PMS2: variants seen among roughly 807,000 people sequenced by gnomAD.
PMS2 encodes the protein mismatch repair endonuclease PMS2.
A neutral mutation model predicts 90.0 loss-of-function variants in PMS2; 69 were observed. That is an observed-to-expected ratio of 0.77 (90% CI 0.63 to 0.94). PMS2 has a LOEUF of 0.94. Among genes scored for constraint, PMS2 ranks in the 40% least tolerant of loss-of-function variants. The pLI is 0.00. For missense variants in PMS2, 966 were observed against 1,040.2 expected, an observed-to-expected ratio of 0.93 and a Z score of 0.98; for synonymous variants, 332 against 375.1, an observed-to-expected ratio of 0.89 and a Z score of 1.33.
intron 8 of PMS2, among the ~76,000 whole-genome samples, chr7:5,994,673 G>A (rs1784177216): frequency 1.3e-5 from 2 of 151,916 alleles, no homozygotes; most frequent in African/African-American, 4.8e-5. Flanking sequence ...CTACTCGGGA[G>A]GCTGAGGCAG....
intron 9 of PMS2, among the ~76,000 whole-genome samples, chr7:5,990,275 T>C (rs1412519186): frequency 1.3e-5 from 2 of 152,244 alleles, no homozygotes; most frequent in Non-Finnish European, 2.9e-5. Flanking sequence ...CCCAAAGTTC[T>C]GGGATTACAG....
chr7:5,989,268 T>G (rs1185289703), intron 10 of PMS2, among the ~76,000 whole-genome samples: 4 of 151,854 alleles, frequency 2.6e-5, no homozygotes, highest in African/African-American at 9.7e-5. Context: ...CCATCTCTAA[T>G]GACAATACAA....
chr7:6,000,470 T>C (rs1784974271), intron 5 of PMS2, among the ~76,000 whole-genome samples: 1 of 152,028 alleles, frequency 6.6e-6, no homozygotes, highest in Non-Finnish European at 1.5e-5. Flanking sequence ...GCTTTCATTA[T>C]ATTAACTTAT....
intron 1 of PMS2, among the ~76,000 whole-genome samples, chr7:6,008,392 A>G (rs1051160072): frequency 6.6e-6 from 1 of 152,168 alleles, no homozygotes; most frequent in African/African-American, 2.4e-5. Flanking sequence ...TGCATTTTTA[A>G]AAACTGCGCA....
chr7:5,997,789 A>G (rs1784597783), intron 6 of PMS2, among the ~76,000 whole-genome samples: 1 of 152,080 alleles, frequency 6.6e-6, no homozygotes, highest in South Asian at 2.1e-4. Context: ...GGCTCAAGCG[A>G]TTCTCCCACC....
intron 5 of PMS2, among the ~76,000 whole-genome samples, chr7:6,001,070 T>A (rs1785036227): frequency 6.6e-6 from 1 of 152,066 alleles, no homozygotes; most frequent in African/African-American, 2.4e-5. Flanking sequence ...TTTAAGTAAC[T>A]TTTTAGATTA....
chr7:6,002,691 A>C (rs1392435833), intron 4 of PMS2, 55 bp from the exon 5 acceptor site: 1 of 1,322,820 alleles, frequency 7.6e-7, no homozygotes, highest in Non-Finnish European at 1.1e-6. Context: ...GATGTTGGGC[A>C]CTGACTACTC....
At chr7:5,984,127 G>A (rs1336410798) in intron 11 of PMS2, among the ~76,000 whole-genome samples, 2 of 151,806 alleles carry the variant, frequency 1.3e-5, no homozygotes, top group Non-Finnish European at 2.9e-5. Context: ...ATTTCCGTGA[G>A]ACAGACGCTA....
chr7:5,994,997 C>CA (rs1338269164), intron 8 of PMS2, among the ~76,000 whole-genome samples: 1 of 151,780 alleles, frequency 6.6e-6, no homozygotes, highest in African/African-American at 2.4e-5. Context: ...GTATCTACTG[C>CA]AAAAAATAAC....
intron 11 of PMS2, among the ~76,000 whole-genome samples, chr7:5,983,297 G>A (rs775820908): frequency 6.6e-6 from 1 of 151,322 alleles, no homozygotes; most frequent in African/African-American, 2.4e-5. Context: ...TTTTAGTAGA[G>A]ACAGAGTTCC....
At chr7:6,007,197 C>A (rs2128854452) in intron 1 of PMS2, among the ~76,000 whole-genome samples, 1 of 152,154 alleles carries the variant, frequency 6.6e-6, no homozygotes, top group South Asian at 2.1e-4. Context: ...CTCACTGCAA[C>A]CTCCGCCTCC....
chr7:5,999,403 G>A lies in PMS2; in HGVS notation c.538-128C>T, dbSNP rs1784850547. On this transcript the variant is annotated intron_variant, in intron 5 of 14. Coordinates refer to ENST00000265849, the MANE Select transcript of PMS2 (RefSeq NM_000535.7). ...CAAATCAAGGGAAGCACTGTTGACA[G>A]AATGATCTGTAAAGAGGTGTCTTCC... The A allele has an allele frequency of 2.0e-5, 17 of 847,598 alleles. 1 individual carries two copies. In the South Asian group the frequency reaches 2.2e-4, roughly 11 times the overall value. The allele number at this position is 847,598 out of a possible 1,614,324, so 52.5% of individuals were successfully genotyped here. A position where few individuals can be genotyped will look rare whatever the true frequency, so the allele number is the denominator to read the frequency against.
intron 8 of PMS2, among the ~76,000 whole-genome samples, chr7:5,995,107 G>T (rs987306655): frequency 3.3e-5 from 5 of 151,930 alleles, no homozygotes; most frequent in African/African-American, 1.2e-4. Flanking sequence ...GCATAATCTC[G>T]GCTTACTGCA....
rs1805320 is a variant in PMS2, at chr7:5,987,277, G to A, written c.1488C>T (p.His496=). ...CCTCAGAATCCACGGAAGTGCTGCC[G>A]TGCCCCGAGTCCTTCTCCACCTCCG... The part of the protein sequence containing the change: ...DRAEVEKDSG[H]GSTSVDSEGF... The change falls in exon 11 of 15, where the codon CAC becomes CAT. Residue 496 remains histidine (H), a synonymous_variant. Coordinates refer to ENST00000265849, the MANE Select transcript of PMS2 (RefSeq NM_000535.7). 6,656 of 1,613,848 alleles carry A rather than the reference G, an allele frequency of 4.1e-3. 207 individuals carry two copies. The African/African-American group carries it at 0.075, about 18-fold the overall frequency.
Position 5,987,550 on chromosome 7 carries a change from T to C in PMS2, c.1215A>G (p.Ser405=). The C allele has an allele frequency of 6.2e-7, 1 of 1,613,966 alleles. No homozygotes were observed. The highest frequency in any genetic ancestry group is 8.5e-7 in the Non-Finnish European group (1 of 1,179,900). ...CTTTTTTTTCTTCTCCAGTCCTTAA[T>C]GAAGGGGATTGATCCTGCTTTTCTA... ...PMVEKQDQSP[S]LRTGEEKKDV... The change falls in exon 11 of 15, where the codon TCA becomes TCG. Residue 405 remains serine (S), a synonymous_variant. Coordinates refer to ENST00000265849, the MANE Select transcript of PMS2 (RefSeq NM_000535.7).
At chr7:6,008,104 G>A (rs773008107) in intron 1 of PMS2, among the ~76,000 whole-genome samples, 20 of 152,056 alleles carry the variant, frequency 1.3e-4, no homozygotes, top group Non-Finnish European at 2.1e-4. Flanking sequence ...TGATCCACCC[G>A]CCTTGGCCTC....
chr7:5,991,833 C>A, intron 9 of PMS2, 140 bp downstream of exon 9: 1 of 626,576 alleles, frequency 1.6e-6, no homozygotes, highest in Non-Finnish European at 2.9e-6. Flanking sequence ...AGCAAGACCC[C>A]GTCTCAAAAA....
intron 14 of PMS2, among the ~76,000 whole-genome samples, chr7:5,976,166 G>A (rs1294696751): frequency 7.1e-6 from 1 of 140,774 alleles, no homozygotes; most frequent in Non-Finnish European, 1.6e-5. Flanking sequence ...AACCTGGGAG[G>A]CGGAGGTTGC....
At chr7:5,985,166 T>C (rs866491083) in intron 11 of PMS2, among the ~76,000 whole-genome samples, 29 of 151,472 alleles carry the variant, frequency 1.9e-4, no homozygotes, top group Non-Finnish European at 3.7e-4. Flanking sequence ...GGCATGATCA[T>C]AGCTCACTGC....
Sources: gnomAD v4.1 joint callset for allele counts (sites outside exome capture counted in the v4.1 genomes callset) on GRCh38, gnomAD v4.1.1 for gene constraint, MANE v1.5 for transcripts, NCBI Gene and HGNC (gene_info 2026-07-23, HGNC 2026-07-21) for gene names.